The following TRHDE variants were observed in gnomAD, a reference collection of about 807,000 sequenced individuals.
TRHDE encodes thyrotropin releasing hormone degrading enzyme.
In TRHDE, 72 loss-of-function variants were observed where a neutral mutation model predicts 125.7. The ratio of observed to expected loss-of-function variants is 0.57; its 90% confidence interval spans 0.47 to 0.70. The LOEUF (loss-of-function observed/expected upper bound fraction) is 0.70, where lower values mean the gene tolerates loss of function less well. TRHDE is among the 30% of genes least tolerant of loss of function. The pLI is 0.00. For missense variants in TRHDE, 1,110 were observed against 1,327.1 expected, an observed-to-expected ratio of 0.84 and a Z score of 2.54; for synonymous variants, 509 against 509.1, an observed-to-expected ratio of 1.00 and a Z score of 0.00.
chr12:72,334,264 T>A (rs1869732726), intron 2 of TRHDE, among the ~76,000 whole-genome samples: 1 of 152,230 alleles, frequency 6.6e-6, no homozygotes, highest in Non-Finnish European at 1.5e-5. Context: ...AGAATTTTTC[T>A]TCAGTAAAAA....
At chr12:72,588,522 T>C (rs1279174602) in intron 12 of TRHDE, among the ~76,000 whole-genome samples, 1 of 152,092 alleles carries the variant, frequency 6.6e-6, no homozygotes, top group East Asian at 1.9e-4. Context: ...ATTGTGAGAA[T>C]TTGCAGTTTT....
At chr12:72,143,194 G>T (rs1876156199) in intron 2 of TRHDE, among the ~76,000 whole-genome samples, 1 of 152,192 alleles carries the variant, frequency 6.6e-6, no homozygotes, top group Admixed American at 6.5e-5. Context: ...CGACCTGCAT[G>T]CTCCCTATCC....
At chr12:72,418,256 A>G (rs1392866214) in intron 3 of TRHDE, among the ~76,000 whole-genome samples, 1 of 152,028 alleles carries the variant, frequency 6.6e-6, no homozygotes. Context: ...TAGTGGCAGA[A>G]TGTAAGGTAA....
intron 2 of TRHDE, among the ~76,000 whole-genome samples, chr12:72,223,668 C>A (rs1878044273): frequency 6.6e-6 from 1 of 152,016 alleles, no homozygotes; most frequent in African/African-American, 2.4e-5. Flanking sequence ...GCAATATAAA[C>A]TCAGTTGTAT....
intron 5 of TRHDE, among the ~76,000 whole-genome samples, chr12:72,477,129 A>C (rs141826195): frequency 1.3e-5 from 2 of 152,178 alleles, no homozygotes; most frequent in Non-Finnish European, 2.9e-5. Flanking sequence ...AAGTCCACAT[A>C]ATTTTTTTGA....
At chr12:72,626,297 T>C (rs1873254322) in intron 15 of TRHDE, among the ~76,000 whole-genome samples, 1 of 151,818 alleles carries the variant, frequency 6.6e-6, no homozygotes, top group Non-Finnish European at 1.5e-5. Context: ...GTCATGAGAG[T>C]TATGTAAAAG....
At chr12:72,290,116 G>A (rs1880031188) in intron 2 of TRHDE, among the ~76,000 whole-genome samples, 1 of 152,190 alleles carries the variant, frequency 6.6e-6, no homozygotes, top group Non-Finnish European at 1.5e-5. Flanking sequence ...AATTCTTAAG[G>A]TTTGCAGTCT....
chr12:72,581,607 GCATGTGTAA>G (rs1462822618), intron 12 of TRHDE, among the ~76,000 whole-genome samples: 1 of 152,068 alleles, frequency 6.6e-6, no homozygotes, highest in Non-Finnish European at 1.5e-5. Context: ...TACTTTTTAA[GCATGTGTAA>G]CATTTTTAAA....
At chr12:72,437,925 A>G (rs977651543) in intron 3 of TRHDE, among the ~76,000 whole-genome samples, 4 of 151,700 alleles carry the variant, frequency 2.6e-5, no homozygotes, top group African/African-American at 7.3e-5. Flanking sequence ...TTTATTTCCA[A>G]CCCACCCCAA....
intron 1 of TRHDE, among the ~76,000 whole-genome samples, chr12:72,098,321 C>G (rs1453101064): frequency 2.0e-5 from 3 of 152,080 alleles, no homozygotes; most frequent in South Asian, 2.1e-4. Context: ...CCTGTTTCCC[C>G]CAGTGGTCAA....
chr12:72,630,623 T>C (rs1210133065), intron 15 of TRHDE, among the ~76,000 whole-genome samples: 1 of 151,814 alleles, frequency 6.6e-6, no homozygotes, highest in Admixed American at 6.6e-5. Flanking sequence ...TTTTCCTTTG[T>C]TTGATGGAAT....
At chr12:72,262,869 A>C (rs1776015059) in intron 2 of TRHDE, 2 of 152,146 alleles carry the variant, frequency 1.3e-5, no homozygotes, top group African/African-American at 2.4e-5. Context: ...TCCACATTGA[A>C]AGATTAAAGG....
chr12:72,454,258 A>T (rs1875729931), intron 3 of TRHDE, among the ~76,000 whole-genome samples: 1 of 152,218 alleles, frequency 6.6e-6, no homozygotes, highest in Non-Finnish European at 1.5e-5. Flanking sequence ...AAAATGGAGT[A>T]TAATGGTTGA....
At chr12:72,430,968 C>CT (rs1874451648) in intron 3 of TRHDE, among the ~76,000 whole-genome samples, 1 of 152,034 alleles carries the variant, frequency 6.6e-6, no homozygotes, top group South Asian at 2.1e-4. Flanking sequence ...ACACATTTTG[C>CT]ATTTCTTTTG....
intron 2 of TRHDE, among the ~76,000 whole-genome samples, chr12:72,182,709 A>G (rs1877119377): frequency 6.6e-6 from 1 of 152,224 alleles, no homozygotes; most frequent in African/African-American, 2.4e-5. Flanking sequence ...AAGAGAATCA[A>G]CAAAAGCCTG....
rs547183310 is a variant in TRHDE at position 72,628,543 on chromosome 12, T to G, written c.2675+6792T>G. Among the ~76,000 whole-genome samples the G allele has an allele frequency of 6.6e-5, 10 of 152,042 alleles. No individual in the cohort carries two copies. The South Asian group carries it at 1.0e-3, about 16-fold the overall frequency. ...AATTTTTAATTTAATCAGTTTGTTTTGTTTTTATTTGCTGAGAGGAGCAAA... is the reference window on the plus strand; with the variant it reads ...AATTTTTAATTTAATCAGTTTGTTTGGTTTTTATTTGCTGAGAGGAGCAAA... On this transcript the variant is annotated intron_variant, in intron 15 of 18. Transcript: ENST00000261180.
intron 7 of TRHDE, among the ~76,000 whole-genome samples, chr12:72,555,898 G>A (rs768151931): frequency 1.3e-5 from 2 of 152,074 alleles, no homozygotes; most frequent in South Asian, 2.1e-4. Context: ...CAGAACTTAC[G>A]GTTCTCAGTT....
At chr12:72,314,337 C>T (rs2135703032) in intron 2 of TRHDE, among the ~76,000 whole-genome samples, 1 of 147,968 alleles carries the variant, frequency 6.8e-6, no homozygotes, top group Non-Finnish European at 1.5e-5. Context: ...CCCTCCCTCC[C>T]TTCCTTCCTT....
At chr12:72,118,577 G>A (rs1875502325) in intron 2 of TRHDE, among the ~76,000 whole-genome samples, 1 of 152,088 alleles carries the variant, frequency 6.6e-6, no homozygotes. Context: ...AATAAGTTTG[G>A]CAGTATTGCC....
Sources: gnomAD v4.1 joint callset for allele counts (sites outside exome capture counted in the v4.1 genomes callset) on GRCh38, gnomAD v4.1.1 for gene constraint, MANE v1.5 for transcripts, NCBI Gene and HGNC (gene_info 2026-07-23, HGNC 2026-07-21) for gene names.